Variants in FBXW7 observed in about 807,000 individuals in gnomAD.
FBXW7 encodes F-box/WD repeat-containing protein 7.
A neutral mutation model predicts 86.3 loss-of-function variants in FBXW7; 11 were observed. The ratio of observed to expected loss-of-function variants is 0.13; its 90% CI spans 0.08 to 0.21. FBXW7 has a LOEUF of 0.21. FBXW7 is among the 10% of genes least tolerant of loss of function. The pLI is 1.00. For synonymous variants in FBXW7, 313 were observed against 297.9 expected, an observed-to-expected ratio of 1.05 and a Z score of -0.52; for missense variants, 488 against 847.4, an observed-to-expected ratio of 0.58 and a Z score of 5.27.
intron 2 of FBXW7, among the ~76,000 whole-genome samples, chr4:152,517,359 T>C (rs552481656): frequency 7.2e-5 from 11 of 152,332 alleles, no homozygotes; most frequent in Non-Finnish European, 1.6e-4. Flanking sequence ...ATCTAATTAA[T>C]AGTATAAATA....
At chr4:152,341,504 G>A (rs1333100339) in intron 6 of FBXW7, among the ~76,000 whole-genome samples, 1 of 152,130 alleles carries the variant, frequency 6.6e-6, no homozygotes, top group Non-Finnish European at 1.5e-5. Flanking sequence ...TTTTTTGTCT[G>A]TTTTATTCAC....
At chr4:152,370,584 T>C (rs1207415224) in intron 4 of FBXW7, among the ~76,000 whole-genome samples, 2 of 151,992 alleles carry the variant, frequency 1.3e-5, no homozygotes, top group Non-Finnish European at 2.9e-5. Context: ...AAATATTACA[T>C]GTATAGTGGA....
At chr4:152,445,941 A>C (rs1307843265) in intron 2 of FBXW7, among the ~76,000 whole-genome samples, 2 of 143,092 alleles carry the variant, frequency 1.4e-5, no homozygotes, top group Non-Finnish European at 3.0e-5. Flanking sequence ...AAAAAAAAAA[A>C]ACCAAAGTGC....
At chr4:152,461,624 G>A (rs1742952428) in intron 2 of FBXW7, among the ~76,000 whole-genome samples, 1 of 151,906 alleles carries the variant, frequency 6.6e-6, no homozygotes, top group South Asian at 2.1e-4. Flanking sequence ...CTATACTTGG[G>A]GTTAATTTCT....
chr4:152,374,892 G>A (rs552105054), intron 4 of FBXW7, among the ~76,000 whole-genome samples: 3 of 152,118 alleles, frequency 2.0e-5, no homozygotes, highest in South Asian at 2.1e-4. Context: ...ACAGGAGGGG[G>A]GGGGATGATG....
intron 2 of FBXW7, among the ~76,000 whole-genome samples, chr4:152,442,131 C>T (rs1368318917): frequency 6.6e-6 from 1 of 152,176 alleles, no homozygotes; most frequent in Non-Finnish European, 1.5e-5. Flanking sequence ...TATCATATAA[C>T]TTCCCCTACT....
intron 7 of FBXW7, among the ~76,000 whole-genome samples, chr4:152,335,069 C>T (rs111472487): frequency 7.2e-5 from 11 of 152,104 alleles, no homozygotes; most frequent in East Asian, 1.9e-4. Context: ...ATTCTTACTA[C>T]GTATTATGAG....
intron 4 of FBXW7, among the ~76,000 whole-genome samples, chr4:152,392,014 C>T (rs1236166938): frequency 6.6e-6 from 1 of 152,072 alleles, no homozygotes; most frequent in Non-Finnish European, 1.5e-5. Context: ...TTGTATAAGA[C>T]ATTTACATAT....
chr4:152,406,544 T>TAATTAG (rs1355815504), intron 4 of FBXW7, among the ~76,000 whole-genome samples: 1 of 152,224 alleles, frequency 6.6e-6, no homozygotes, highest in Non-Finnish European at 1.5e-5. Context: ...TAACAGGCAT[T>TAATTAG]AATTAGAAAT....
chr4:152,339,836 G>A (rs1444609297), intron 6 of FBXW7, among the ~76,000 whole-genome samples: 1 of 151,516 alleles, frequency 6.6e-6, no homozygotes, highest in East Asian at 1.9e-4. Context: ...CAGCTACTCA[G>A]GGGGCTGTGG....
intron 2 of FBXW7, 31 bp from the exon 3 acceptor site, chr4:152,412,560 G>C (rs1008406556): frequency 6.6e-6 from 1 of 151,616 alleles, no homozygotes; most frequent in Non-Finnish European, 1.5e-5. Context: ...TTATACAGAG[G>C]ATGCTCACTG....
intron 4 of FBXW7, among the ~76,000 whole-genome samples, chr4:152,368,356 G>T (rs1418280243): frequency 9.2e-5 from 14 of 152,038 alleles, no homozygotes; most frequent in Admixed American, 9.2e-4. Context: ...AATAGAGGTA[G>T]GGGGTGGTTA....
chr4:152,467,810 G>C (rs1258569361), intron 2 of FBXW7, among the ~76,000 whole-genome samples: 1 of 152,094 alleles, frequency 6.6e-6, no homozygotes, highest in African/African-American at 2.4e-5. Context: ...ACAAAAAACA[G>C]ATCAGCTGAA....
chr4:152,396,492 A>T (rs1736428347), intron 4 of FBXW7, among the ~76,000 whole-genome samples: 1 of 152,070 alleles, frequency 6.6e-6, no homozygotes, highest in Admixed American at 6.6e-5. Context: ...TTTAACTAGC[A>T]AGCCAGTGTT....
chr4:152,340,237 A>G (rs1730583766), intron 6 of FBXW7, among the ~76,000 whole-genome samples: 1 of 152,180 alleles, frequency 6.6e-6, no homozygotes, highest in African/African-American at 2.4e-5. Flanking sequence ...AATTTAAATT[A>G]TCTATATACT....
At chr4:152,479,899 A>G (rs1744731898) in intron 2 of FBXW7, among the ~76,000 whole-genome samples, 1 of 152,174 alleles carries the variant, frequency 6.6e-6, no homozygotes, top group Non-Finnish European at 1.5e-5. Context: ...GCATCCATTG[A>G]TGCTGTTGGC....
chr4:152,427,343 A>G (rs960487909), intron 2 of FBXW7, among the ~76,000 whole-genome samples: 1 of 152,248 alleles, frequency 6.6e-6, no homozygotes, highest in Admixed American at 6.5e-5. Flanking sequence ...TTTATTGATC[A>G]ATGGCCGTGC....
At chr4:152,501,521 A>G (rs1746948018) in intron 2 of FBXW7, among the ~76,000 whole-genome samples, 1 of 152,218 alleles carries the variant, frequency 6.6e-6, no homozygotes, top group Non-Finnish European at 1.5e-5. Flanking sequence ...ATAACTAGTC[A>G]AGATATGGCC....
At chr4:152,450,238 C>A (rs1443035778) in intron 2 of FBXW7, among the ~76,000 whole-genome samples, 1 of 152,122 alleles carries the variant, frequency 6.6e-6, no homozygotes, top group Non-Finnish European at 1.5e-5. Context: ...GCTATGGTAA[C>A]AAACAAGAAA....
Sources: gnomAD v4.1 joint callset for allele counts (sites outside exome capture counted in the v4.1 genomes callset) on GRCh38, gnomAD v4.1.1 for gene constraint, MANE v1.5 for transcripts, NCBI Gene and HGNC (gene_info 2026-07-23, HGNC 2026-07-21) for gene names.